Variants in PEX5L observed in about 807,000 individuals in gnomAD.
The protein encoded by PEX5L is peroxisomal biogenesis factor 5 like.
In PEX5L, 30 loss-of-function variants were observed where a neutral mutation model predicts 84.0. The observed-to-expected ratio is 0.36, with a 90% CI of 0.27 to 0.48. The LOEUF is 0.48. PEX5L is among the 20% of genes least tolerant of loss of function. The pLI is 0.99. For missense variants in PEX5L, 533 were observed against 754.6 expected (o/e 0.71, Z 3.44); for synonymous variants, 270 against 283.1 (o/e 0.95, Z 0.46).
At chr3:180,018,472 T>C (rs1335292008) in intron 1 of PEX5L, among the ~76,000 whole-genome samples, 1 of 152,224 alleles carries the variant, frequency 6.6e-6, no homozygotes, top group Non-Finnish European at 1.5e-5. Flanking sequence ...CCAGTCCTTC[T>C]GACTTGACAA....
At chr3:179,996,985 A>G (rs950212990) in intron 1 of PEX5L, among the ~76,000 whole-genome samples, 13 of 152,220 alleles carry the variant, frequency 8.5e-5, no homozygotes. Flanking sequence ...TGGACAAAAG[A>G]CTAATTTGAA....
chr3:179,816,099 A>T (rs947272114), intron 9 of PEX5L, 95 bp from the exon 10 acceptor site: 1 of 1,210,438 alleles, frequency 8.3e-7, no homozygotes. Flanking sequence ...GAAACAACAG[A>T]TGCTGGAGAG....
intron 1 of PEX5L, among the ~76,000 whole-genome samples, chr3:180,030,934 T>C (rs1791397996): frequency 6.6e-6 from 1 of 151,802 alleles, no homozygotes. Context: ...TTTTTTTTTT[T>C]TCAATGAAAT....
intron 1 of PEX5L, among the ~76,000 whole-genome samples, chr3:180,000,423 A>C (rs1344720606): frequency 6.6e-6 from 1 of 152,170 alleles, no homozygotes; most frequent in African/African-American, 2.4e-5. Context: ...GGGAAACTAC[A>C]ACAGCCCAAT....
intron 1 of PEX5L, among the ~76,000 whole-genome samples, chr3:179,988,355 C>G (rs1579245658): frequency 6.6e-6 from 1 of 151,474 alleles, no homozygotes; most frequent in East Asian, 1.9e-4. Context: ...GAACTGAGAT[C>G]ATGCCACTGG....
At chr3:179,897,019 TTTAA>T (rs1759558153) in intron 3 of PEX5L, among the ~76,000 whole-genome samples, 1 of 152,154 alleles carries the variant, frequency 6.6e-6, no homozygotes, top group Non-Finnish European at 1.5e-5. Flanking sequence ...CTTGGGAATC[TTTAA>T]TAGCTTTAAA....
intron 1 of PEX5L, among the ~76,000 whole-genome samples, chr3:179,996,560 AC>A (rs1352088589): frequency 1.7e-4 from 26 of 152,152 alleles, no homozygotes; most frequent in Non-Finnish European, 3.1e-4. Flanking sequence ...TGGATAAGTC[AC>A]TTTAGGCCTA....
At chr3:179,871,193 C>G (rs1007867034) in intron 7 of PEX5L, among the ~76,000 whole-genome samples, 1 of 150,900 alleles carries the variant, frequency 6.6e-6, no homozygotes, top group Non-Finnish European at 1.5e-5. Context: ...ACCTCTGCCT[C>G]CCAGGTTCAA....
chr3:179,854,317 C>G (rs1577638389), intron 8 of PEX5L, among the ~76,000 whole-genome samples: 1 of 151,902 alleles, frequency 6.6e-6, no homozygotes, highest in African/African-American at 2.4e-5. Flanking sequence ...TTTTAGTTGT[C>G]TTTTCTCCAA....
At chr3:179,937,691 C>A (rs1774980725) in intron 2 of PEX5L, among the ~76,000 whole-genome samples, 1 of 152,132 alleles carries the variant, frequency 6.6e-6, no homozygotes, top group South Asian at 2.1e-4. Flanking sequence ...TTGGGGAAAG[C>A]AGAATGTCCT....
At chr3:179,968,100 C>T (rs980040646) in intron 2 of PEX5L, among the ~76,000 whole-genome samples, 3 of 152,118 alleles carry the variant, frequency 2.0e-5, no homozygotes, top group Admixed American at 6.6e-5. Flanking sequence ...CCCATTTTTA[C>T]AATACATGAA....
chr3:179,903,898 C>G (rs769087619), intron 2 of PEX5L, among the ~76,000 whole-genome samples: 1 of 152,204 alleles, frequency 6.6e-6, no homozygotes, highest in Non-Finnish European at 1.5e-5. Context: ...TTTTGACATA[C>G]TGGTCAATCC....
chr3:179,907,418 T>A (rs1763637597), intron 2 of PEX5L, among the ~76,000 whole-genome samples: 2 of 152,122 alleles, frequency 1.3e-5, no homozygotes, highest in Admixed American at 6.5e-5. Flanking sequence ...ACTCAAGTGA[T>A]CCTCCTGCCT....
chr3:179,864,310 AG>A (rs1403821321), intron 7 of PEX5L, among the ~76,000 whole-genome samples: 2 of 152,178 alleles, frequency 1.3e-5, no homozygotes, highest in Non-Finnish European at 2.9e-5. Flanking sequence ...AGGAAGGGTA[AG>A]GAGAATGTGA....
In PEX5L at chr3:179,911,600, TG is replaced by T. The variant is rs1283658316; in HGVS notation, c.94-13355del. On this transcript the variant is annotated intron_variant, in intron 2 of 14. Coordinates refer to ENST00000467460, the MANE Select transcript of PEX5L (RefSeq NM_016559.3). The stretch of plus-strand genomic sequence containing the variant: ...GAGTAAATTATTTTCCATGTCTATT[TG>T]GGAGTCCATAGAATCTGAAAGGACT... Among the ~76,000 whole-genome samples, 8 of 152,320 alleles carry T rather than the reference TG, an allele frequency of 5.3e-5. No individual in the cohort carries two copies. The East Asian group carries it at 1.5e-3, about 29-fold the overall frequency.
intron 2 of PEX5L, among the ~76,000 whole-genome samples, chr3:179,950,755 C>T (rs1168945235): frequency 2.0e-5 from 3 of 152,144 alleles, no homozygotes; most frequent in Non-Finnish European, 2.9e-5. Flanking sequence ...TGGCACTGCA[C>T]GTAAGTCCCA....
chr3:180,033,362 A>AT (rs1314625504), intron 1 of PEX5L, among the ~76,000 whole-genome samples: 1 of 151,636 alleles, frequency 6.6e-6, no homozygotes, highest in Non-Finnish European at 1.5e-5. Flanking sequence ...TTACAAATAG[A>AT]TTTTTTGTTT....
At chr3:179,989,170 G>T (rs529130436) in intron 1 of PEX5L, among the ~76,000 whole-genome samples, 2 of 152,306 alleles carry the variant, frequency 1.3e-5, no homozygotes, top group East Asian at 3.9e-4. Context: ...TAGGCAGACA[G>T]GGACCATGGT....
rs183476752 is a variant in PEX5L, at chr3:179,996,968, G to C, written c.22-25303C>G. Among the ~76,000 whole-genome samples, 227 of 152,246 alleles carry C rather than the reference G, an allele frequency of 1.5e-3. 2 individuals are homozygous for C. The highest frequency in any genetic ancestry group is 5.3e-3 in the African/African-American group (221 of 41,560). On this transcript the variant is annotated intron_variant, in intron 1 of 14. Transcript: ENST00000467460. ...AATTTATATAAGCAGAAAAATTCCA[G>C]GTTGAATGGACAAAAGACTAATTTG...
Sources: gnomAD v4.1 joint callset for allele counts (sites outside exome capture counted in the v4.1 genomes callset) on GRCh38, gnomAD v4.1.1 for gene constraint, MANE v1.5 for transcripts, NCBI Gene and HGNC (gene_info 2026-07-23, HGNC 2026-07-21) for gene names.